The following CEP41 variants were observed in gnomAD, a reference collection of about 807,000 sequenced individuals.
The protein encoded by CEP41 is centrosomal protein 41, also known as centrosomal protein of 41 kDa.
CEP41 carries 32 observed loss-of-function variants against 44.3 expected under a neutral mutation model. That is an observed-to-expected ratio of 0.72 (90% CI 0.54 to 0.97). The LOEUF (loss-of-function observed/expected upper bound fraction) is 0.97, where lower values mean the gene tolerates loss of function less well. Ranked by LOEUF, CEP41 falls within the 50% of genes least tolerant of loss-of-function variation. CEP41 has a pLI of 0.00. For synonymous variants in CEP41, 151 were observed against 168.5 expected, an observed-to-expected ratio of 0.90 and a Z score of 0.80; for missense variants, 432 against 455.2, an observed-to-expected ratio of 0.95 and a Z score of 0.46.
At chr7:130,426,760 C>A in intron 2 of CEP41, 1 of 431,464 alleles carries the variant, frequency 2.3e-6, no homozygotes, top group Non-Finnish European at 4.6e-6. Context: ...ACAGTACGGC[C>A]TAAGAAACAG....
intron 1 of CEP41, among the ~76,000 whole-genome samples, chr7:130,437,419 G>C (rs1260230945): frequency 1.3e-5 from 2 of 150,824 alleles, no homozygotes; most frequent in Non-Finnish European, 3.0e-5. Flanking sequence ...CACAAAGCAA[G>C]AGAATGGCTT....
Position 130,397,396 on chromosome 7 carries a change from A to C in CEP41, c.*1495T>G, listed in dbSNP as rs572739026. The C allele has an allele frequency of 3.5e-5, 16 of 453,106 alleles. No individual in the cohort carries two copies. The highest frequency in any genetic ancestry group is 2.6e-4 in the African/African-American group (13 of 50,028). The allele number at this position is 453,106 out of a possible 1,614,324, so 28.1% of individuals were successfully genotyped here. A position where few individuals can be genotyped will look rare whatever the true frequency, so the allele number is the denominator to read the frequency against. On this transcript the variant is annotated 3_prime_UTR_variant, in exon 11 of 11. Coordinates refer to ENST00000223208, the MANE Select transcript of CEP41 (RefSeq NM_018718.3). ...GTAGAGAAGAATAAACACACTCTAA[A>C]ACAGAACTGGGCTGAATCTGAAAGT...
Position 130,393,793 on chromosome 7 carries a change from A to G in CEP41, c.*5098T>C, listed in dbSNP as rs1030932515. On this transcript the variant is annotated 3_prime_UTR_variant, in exon 11 of 11. Transcript: ENST00000223208. Reference sequence around the variant, plus strand: ...AAATCATATCAATATGGTTTACTGAATGAATGGCTAGACCTATCAGGAAAA... The same window carrying G: ...AAATCATATCAATATGGTTTACTGAGTGAATGGCTAGACCTATCAGGAAAA... 3 of 452,404 alleles carry G rather than the reference A, an allele frequency of 6.6e-6. No homozygotes were observed. Among genetic ancestry groups the G allele is most frequent in the Non-Finnish European group, 1.3e-5 (3 of 226,080 alleles). The allele number at this position is 452,404 out of a possible 1,614,324, so 28.0% of individuals were successfully genotyped here. A position where few individuals can be genotyped will look rare whatever the true frequency, so the allele number is the denominator to read the frequency against.
intron 1 of CEP41, among the ~76,000 whole-genome samples, chr7:130,438,558 C>G (rs1376402396): frequency 6.6e-6 from 1 of 151,868 alleles, no homozygotes; most frequent in Non-Finnish European, 1.5e-5. Flanking sequence ...GACTCTGTCT[C>G]AAAAATAAAT....
In CEP41 at chr7:130,395,914, T is replaced by C. The variant is rs188436378; in HGVS notation, c.*2977A>G. On this transcript the variant is annotated 3_prime_UTR_variant, in exon 11 of 11. Coordinates refer to ENST00000223208, the MANE Select transcript of CEP41 (RefSeq NM_018718.3). Reference sequence around the variant, plus strand: ...AAAAAAAGATAAAAGATAAAATGAATGCAGGCCATTTAAATCATTCCATAC... The same window carrying C: ...AAAAAAAGATAAAAGATAAAATGAACGCAGGCCATTTAAATCATTCCATAC... 1 of 447,916 alleles carries C rather than the reference T, an allele frequency of 2.2e-6. No individual in the cohort carries two copies. Among genetic ancestry groups the C allele is most frequent in the Non-Finnish European group, 4.4e-6 (1 of 225,490 alleles). 27.7% of individuals were successfully genotyped at this position (447,916 alleles called of 1,614,324 possible).
intron 5 of CEP41, among the ~76,000 whole-genome samples, chr7:130,406,870 A>G (rs1204327999): frequency 3.3e-5 from 5 of 151,950 alleles, no homozygotes; most frequent in African/African-American, 1.2e-4. Flanking sequence ...CCTAATGTAA[A>G]TGACAGGTTA....
At chr7:130,400,578 T>C in intron 9 of CEP41, 129 bp downstream of exon 9, 1 of 738,046 alleles carries the variant, frequency 1.4e-6, no homozygotes, top group Admixed American at 2.0e-5. Context: ...TCCTGACTCC[T>C]TTCAGCCAGC....
At chr7:130,426,442 G>C (rs199516855) in intron 2 of CEP41, among the ~76,000 whole-genome samples, 13 of 69,924 alleles carry the variant, frequency 1.9e-4, no homozygotes, top group Non-Finnish European at 6.2e-5. Context: ...CAGGAGGAAA[G>C]AAAAAAAAAA....
intron 6 of CEP41, 69 bp downstream of exon 6, chr7:130,404,495 T>A: frequency 4.7e-6 from 6 of 1,276,622 alleles, no homozygotes; most frequent in South Asian, 2.4e-5. Flanking sequence ...AAAAAAAAGA[T>A]CCCTGAAATT....
At chr7:130,402,326 A>G (rs1554417101) in intron 7 of CEP41, among the ~76,000 whole-genome samples, 4 of 150,188 alleles carry the variant, frequency 2.7e-5, no homozygotes. Context: ...AGTCTTGGCA[A>G]CAGAGCAAGG....
chr7:130,421,811 G>C (rs1446001201), intron 2 of CEP41: 1 of 1,326,186 alleles, frequency 7.5e-7, no homozygotes, highest in African/African-American at 1.5e-5. Flanking sequence ...AATAAAGGGA[G>C]AGCCCTGTGG....
intron 5 of CEP41, among the ~76,000 whole-genome samples, chr7:130,408,438 C>T (rs938668094): frequency 6.6e-6 from 1 of 152,080 alleles, no homozygotes; most frequent in Non-Finnish European, 1.5e-5. Context: ...AAAAAGAGCA[C>T]ATAAACTCCT....
chr7:130,408,724 A>G (rs1177446124), intron 5 of CEP41, among the ~76,000 whole-genome samples: 1 of 152,192 alleles, frequency 6.6e-6, no homozygotes, highest in Non-Finnish European at 1.5e-5. Flanking sequence ...CTCTGCAGCA[A>G]TTTATCTTCA....
In CEP41 at chr7:130,394,565, A is replaced by T; in HGVS notation, c.*4326T>A. On this transcript the variant is annotated 3_prime_UTR_variant, in exon 11 of 11. Coordinates refer to ENST00000223208, the MANE Select transcript of CEP41 (RefSeq NM_018718.3). Reference sequence around the variant, plus strand: ...GAGACAGGGTAATAACACCCCCAGCAGCTCTCTGGGTACTTCCTGTAGAGG... The same window carrying T: ...GAGACAGGGTAATAACACCCCCAGCTGCTCTCTGGGTACTTCCTGTAGAGG... The T allele has an allele frequency of 2.2e-6, 1 of 454,098 alleles. No individual in the cohort carries two copies. The highest frequency in any genetic ancestry group is 4.4e-6 in the Non-Finnish European group (1 of 226,780). 28.1% of individuals were successfully genotyped at this position (454,098 alleles called of 1,614,324 possible). A position where few individuals can be genotyped will look rare whatever the true frequency, so the allele number is the denominator to read the frequency against.
In CEP41 at chr7:130,396,363, G is replaced by T. The variant is rs1562972693; in HGVS notation, c.*2528C>A. ...CAGGCTTTCTGACTGGAGAGCTGAG[G>T]CCCCCTGCCCTAATTGGACTGATTT... is the stretch of plus-strand genomic sequence containing the variant. On this transcript the variant is annotated 3_prime_UTR_variant, in exon 11 of 11. Coordinates refer to ENST00000223208, the MANE Select transcript of CEP41 (RefSeq NM_018718.3). 4.4e-6 allele frequency: 2 copies of T among 454,044 alleles called. No individual in the cohort carries two copies. The highest frequency in any genetic ancestry group is 8.8e-6 in the Non-Finnish European group (2 of 226,774). The allele number at this position is 454,044 out of a possible 1,614,324, so 28.1% of individuals were successfully genotyped here.
At chr7:130,401,982 T>A in intron 7 of CEP41, 34 bp from the exon 8 acceptor site, 1 of 1,474,242 alleles carries the variant, frequency 6.8e-7, no homozygotes, top group Non-Finnish European at 9.5e-7. Context: ...GGAAGTCTGT[T>A]GTTCTCTTAA....
chr7:130,420,097 G>A (rs1335522841), intron 2 of CEP41: 1 of 983,870 alleles, frequency 1.0e-6, no homozygotes, highest in Admixed American at 6.2e-5. Flanking sequence ...TGAGGAGGCA[G>A]GATTGCTTGA....
rs144531086 is a variant in CEP41, at chr7:130,401,961, GA to G, written c.575-14del. 0.015 allele frequency: 24,449 copies of G among 1,594,694 alleles called. 243 individuals carry two copies. The highest frequency in any genetic ancestry group is 0.017 in the Non-Finnish European group (20,277 of 1,162,526). Reference sequence around the variant, plus strand: ...GGGTAACTGTAAGCTGCAAAGAGAAGAAAAAGTTTAGGAAGTCTGTTGTTCT... The same window carrying G: ...GGGTAACTGTAAGCTGCAAAGAGAAGAAAAGTTTAGGAAGTCTGTTGTTCT... On this transcript the variant is annotated splice_polypyrimidine_tract_variant and intron_variant, in intron 7 of 10. Transcript: ENST00000223208.
chr7:130,428,788 T>C (rs1490332365), intron 1 of CEP41, among the ~76,000 whole-genome samples: 5 of 151,882 alleles, frequency 3.3e-5, no homozygotes, highest in African/African-American at 1.2e-4. Context: ...GATGCACACC[T>C]ATACTCTCGC....
Sources: gnomAD v4.1 joint callset for allele counts (sites outside exome capture counted in the v4.1 genomes callset) on GRCh38, gnomAD v4.1.1 for gene constraint, MANE v1.5 for transcripts, NCBI Gene and HGNC (gene_info 2026-07-23, HGNC 2026-07-21) for gene names.